Variants in TCTN1 observed in about 807,000 individuals in gnomAD.
TCTN1 encodes the protein tectonic family member 1.
TCTN1 carries 58 observed loss-of-function variants against 65.8 expected under a neutral mutation model. The ratio of observed to expected loss-of-function variants is 0.88; its 90% CI spans 0.71 to 1.10. The LOEUF (loss-of-function observed/expected upper bound fraction) is 1.10, where lower values mean the gene tolerates loss of function less well. TCTN1 is among the 50% of genes least tolerant of loss of function. TCTN1 has a pLI of 0.00. For missense variants in TCTN1, 645 were observed against 719.4 expected (o/e 0.90, Z 1.18); for synonymous variants, 273 against 289.1 (o/e 0.94, Z 0.57).
Position 110,645,068 on chromosome 12 carries a change from A to G in TCTN1, c.1433A>G (p.Gln478Arg). The G allele has an allele frequency of 6.2e-7, 1 of 1,614,190 alleles. No individual in the cohort carries two copies. Among genetic ancestry groups the G allele is most frequent in the South Asian group, 1.1e-5 (1 of 91,086 alleles). ...TACGTGGCCCCTTTTGGAAATTCCC[A>G]GGCCCAGGACATGCTGGACTGGGTG... ...PDYVAPFGNS[Q>R]AQDMLDWVPI... The change falls in exon 12 of 15, where the codon CAG becomes CGG. Residue 478 changes from glutamine (Q) to arginine (R), a missense_variant. Physicochemically the swap from Gln to Arg is conservative, Grantham distance 43. Transcript: ENST00000397659.
chr12:110,637,311 T>TGGGATGCACTCGGGATG (rs1431542478), intron 7 of TCTN1, among the ~76,000 whole-genome samples: 3 of 152,322 alleles, frequency 2.0e-5, no homozygotes, highest in Middle Eastern at 6.8e-3. Context: ...CATCTGCGCA[T>TGGGATGCACTCGGGATG]GGGATGCACT....
At chr12:110,624,828 C>T (rs2065720083) in intron 2 of TCTN1, among the ~76,000 whole-genome samples, 1 of 152,110 alleles carries the variant, frequency 6.6e-6, no homozygotes, top group South Asian at 2.1e-4. Flanking sequence ...GTGATCCGCT[C>T]ACCTCGGCCT....
At chr12:110,615,302 A>G (rs1473612740) in intron 1 of TCTN1, among the ~76,000 whole-genome samples, 4 of 152,156 alleles carry the variant, frequency 2.6e-5, no homozygotes, top group African/African-American at 9.7e-5. Context: ...ACTTCACTGA[A>G]TGACTGTGAC....
chr12:110,638,270 G>A (rs536033351), intron 7 of TCTN1, among the ~76,000 whole-genome samples: 3 of 152,336 alleles, frequency 2.0e-5, no homozygotes, highest in African/African-American at 4.8e-5. Flanking sequence ...CACACAGGAC[G>A]TGGCAGACTG....
chr12:110,633,948 GT>G (rs775211268), intron 5 of TCTN1, among the ~76,000 whole-genome samples: 12 of 152,194 alleles, frequency 7.9e-5, no homozygotes, highest in Non-Finnish European at 2.9e-5. Context: ...TTGCAGCATT[GT>G]TGGTGGTAGC....
At chr12:110,646,688 C>G (rs2067325472) in intron 12 of TCTN1, 1 of 204,886 alleles carries the variant, frequency 4.9e-6, no homozygotes, top group African/African-American at 2.4e-5. Context: ...CGGACACTGC[C>G]TGGATTACCT....
Position 110,640,512 on chromosome 12 carries a change from C to A in TCTN1, c.973C>A (p.Leu325Ile). The stretch of plus-strand genomic sequence containing the variant: ...CTTTAGCCTTTGCGTGAATGTTGTT[C>A]TTGAGGTAGGTGCCGAGTTTGGCTT... ...GHFSLCVNVV[L>I]EVKYSLTYTD... The change falls in exon 8 of 15, where the codon CTT (leucine) becomes ATT (isoleucine). Residue 325 changes from leucine (L) to isoleucine (I), a missense_variant. Leu to Ile is a conservative substitution (Grantham distance 5). Coordinates refer to ENST00000397659, the MANE Select transcript of TCTN1 (RefSeq NM_001082538.3). The surrounding 1 kb of genome is among the most constrained non-coding windows in gnomAD (Gnocchi z 4.9). The A allele has an allele frequency of 6.2e-7, 1 of 1,614,176 alleles. No homozygotes were observed.
chr12:110,647,718 G>A (rs1297103333), intron 13 of TCTN1, 31 bp from the exon 14 acceptor site: 2 of 1,613,974 alleles, frequency 1.2e-6, no homozygotes, highest in Admixed American at 3.3e-5. Flanking sequence ...CACACTGGAG[G>A]GTGGGCCTTG....
At chr12:110,637,246 G>C (rs547792217) in intron 7 of TCTN1, among the ~76,000 whole-genome samples, 3 of 152,210 alleles carry the variant, frequency 2.0e-5, no homozygotes, top group Non-Finnish European at 2.9e-5. Context: ...GTAAGCGTCC[G>C]TGCAGAGGCA....
rs1555226509 is a variant in TCTN1 at position 110,639,460 on chromosome 12, GTA to G, written c.844-921_844-920del. ...CCACTGTGTGTGTGTGTGTGTGTGTGTATGTGTGTGTGAGCGTGCTTGCGCTT... is the reference window on the plus strand; with the variant it reads ...CCACTGTGTGTGTGTGTGTGTGTGTGTGTGTGTGTGAGCGTGCTTGCGCTT... On this transcript the variant is annotated intron_variant, in intron 7 of 14. Transcript: ENST00000397659. This position sits in a 1 kb window ranked among gnomAD's most constrained non-coding sequence, Gnocchi z 4.9. Among the ~76,000 whole-genome samples, 3 of 151,940 alleles carry G rather than the reference GTA, an allele frequency of 2.0e-5. No individual in the cohort carries two copies. Among genetic ancestry groups the G allele is most frequent in the Non-Finnish European group, 4.4e-5 (3 of 67,988 alleles).
chr12:110,643,160 C>T (rs1333692254), intron 11 of TCTN1, among the ~76,000 whole-genome samples: 1 of 151,780 alleles, frequency 6.6e-6, no homozygotes, highest in African/African-American at 2.4e-5. Context: ...ATCTCAGCCT[C>T]CTAAAGTGCT....
In TCTN1 at chr12:110,640,720, T is replaced by A; in HGVS notation, c.978+203T>A. On this transcript the variant is annotated intron_variant, in intron 8 of 14. Transcript: ENST00000397659. This position sits in a 1 kb window ranked among gnomAD's most constrained non-coding sequence, Gnocchi z 4.9. The stretch of plus-strand genomic sequence containing the variant: ...AAACTTAGTGACTTGCCGGAATACA[T>A]CAAAATATTTTTGTTGTTGCTGTTT... Among the ~76,000 whole-genome samples, 1 of 152,172 alleles carries A rather than the reference T, an allele frequency of 6.6e-6. No individual in the cohort carries two copies. The highest frequency in any genetic ancestry group is 1.9e-4 in the East Asian group (1 of 5,198).
At chr12:110,626,961 G>T (rs1160541651) in intron 3 of TCTN1, among the ~76,000 whole-genome samples, 1 of 149,876 alleles carries the variant, frequency 6.7e-6, no homozygotes, top group Admixed American at 6.6e-5. Context: ...TAGTAGAGAC[G>T]GGGTTTCTCC....
intron 1 of TCTN1, among the ~76,000 whole-genome samples, chr12:110,617,947 G>A (rs934069782): frequency 6.6e-6 from 1 of 151,906 alleles, no homozygotes; most frequent in Non-Finnish European, 1.5e-5. Context: ...CCGCTGTGGG[G>A]TACATTTTTC....
intron 12 of TCTN1, 122 bp from the exon 13 acceptor site, chr12:110,647,074 G>C (rs2067370582): frequency 8.4e-7 from 1 of 1,185,298 alleles, no homozygotes; most frequent in Admixed American, 1.9e-5. Context: ...ATCTGAACTT[G>C]TAGAGTCTAT....
rs557580380 is a variant in TCTN1, at chr12:110,640,527, G to A, written c.978+10G>A. 6 of 1,614,102 alleles carry A rather than the reference G, an allele frequency of 3.7e-6. No homozygotes were observed. In the African/African-American group the frequency reaches 4.0e-5, roughly 11 times the overall value. ...GAATGTTGTTCTTGAGGTAGGTGCC[G>A]AGTTTGGCTTTGAGAGCTTGTCTGT... On this transcript the variant is annotated intron_variant, in intron 8 of 14. Coordinates refer to ENST00000397659, the MANE Select transcript of TCTN1 (RefSeq NM_001082538.3). The surrounding 1 kb of genome is among the most constrained non-coding windows in gnomAD (Gnocchi z 4.9).
chr12:110,641,416 T>C, intron 9 of TCTN1, 126 bp from the exon 10 acceptor site: 1 of 998,616 alleles, frequency 1.0e-6, no homozygotes, highest in South Asian at 1.4e-5. Flanking sequence ...TAGTTCTGAG[T>C]AGGGAGGGAG....
Position 110,644,862 on chromosome 12 carries a change from T to C in TCTN1, c.1332-105T>C. ...GCTTGGGCATCAGAGTGAGACCTTA[T>C]CTCAAAAATAAATAAACAAAGGGAA... On this transcript the variant is annotated intron_variant, in intron 11 of 14. Transcript: ENST00000397659. The surrounding 1 kb of genome is among the most constrained non-coding windows in gnomAD (Gnocchi z 4.6). The C allele has an allele frequency of 6.7e-7, 1 of 1,481,868 alleles. No homozygotes were observed. Among genetic ancestry groups the C allele is most frequent in the Non-Finnish European group, 9.3e-7 (1 of 1,070,720 alleles). The allele number at this position is 1,481,868 out of a possible 1,614,324, so 91.8% of individuals were successfully genotyped here.
chr12:110,615,681 G>A (rs964005303), intron 1 of TCTN1, among the ~76,000 whole-genome samples: 14 of 152,090 alleles, frequency 9.2e-5, no homozygotes, highest in African/African-American at 3.4e-4. Flanking sequence ...ATGAGATCTC[G>A]CTATGTTGTT....
Sources: allele counts gnomAD v4.1 joint callset (sites outside exome capture counted in the v4.1 genomes callset), GRCh38; gene constraint gnomAD v4.1.1; non-coding constraint Gnocchi (gnomAD v3.1); transcripts MANE v1.5; gene names NCBI Gene and HGNC (gene_info 2026-07-23, HGNC 2026-07-21).